FRMD6: variants seen among roughly 807,000 people sequenced by gnomAD.
FRMD6 encodes FERM domain containing 6, also known as FERM domain-containing protein 6.
A neutral mutation model predicts 73.2 loss-of-function variants in FRMD6; 37 were observed. The observed-to-expected ratio is 0.51, with a 90% CI of 0.39 to 0.66. The LOEUF (loss-of-function observed/expected upper bound fraction) is 0.66, where lower values mean the gene tolerates loss of function less well. FRMD6 is among the 30% of genes least tolerant of loss of function. The probability of loss-of-function intolerance (pLI) is 0.00; values close to 1 mark genes in which losing one functional copy is unlikely to be tolerated. For missense variants in FRMD6, 714 were observed against 780.5 expected (o/e 0.91, Z 1.02); for synonymous variants, 273 against 282.2 (o/e 0.97, Z 0.33).
chr14:51,592,992 G>A (rs1346367617), intron 2 of FRMD6, among the ~76,000 whole-genome samples: 1 of 152,196 alleles, frequency 6.6e-6, no homozygotes, highest in Non-Finnish European at 1.5e-5. Flanking sequence ...AGTCTTTGAT[G>A]TGGGAGGAAA....
chr14:51,482,146 T>C, the FRMD6 span, among the ~76,000 whole-genome samples: 1 of 152,216 alleles, frequency 6.6e-6, no homozygotes, highest in Non-Finnish European at 1.5e-5. Flanking sequence ...GTGTTTTCCA[T>C]AACATAAAAG....
At chr14:51,604,566 A>T (rs1411026065) in intron 2 of FRMD6, among the ~76,000 whole-genome samples, 3 of 152,188 alleles carry the variant, frequency 2.0e-5, no homozygotes, top group Non-Finnish European at 4.4e-5. Flanking sequence ...CACTAAAAAA[A>T]CTAATGATAA....
intron 10 of FRMD6, among the ~76,000 whole-genome samples, chr14:51,718,302 C>G (rs1020438804): frequency 6.6e-6 from 1 of 152,152 alleles, no homozygotes; most frequent in African/African-American, 2.4e-5. Context: ...TACTTGTCTT[C>G]TCGTGAGCAT....
chr14:51,481,645 G>C, the FRMD6 span, among the ~76,000 whole-genome samples: 40 of 152,162 alleles, frequency 2.6e-4, no homozygotes, highest in Admixed American at 2.6e-3. Flanking sequence ...GGTTTCCTTC[G>C]ATCACCCAAG....
chr14:51,599,091 T>C (rs1322413564), intron 2 of FRMD6, among the ~76,000 whole-genome samples: 1 of 128,004 alleles, frequency 7.8e-6, no homozygotes, highest in Non-Finnish European at 1.6e-5. Flanking sequence ...TTTTTAGTAA[T>C]AGCCATTCTG....
the FRMD6 span, among the ~76,000 whole-genome samples, chr14:51,433,804 T>A: frequency 6.6e-6 from 1 of 152,212 alleles, no homozygotes; most frequent in African/African-American, 2.4e-5. Context: ...CCCTCTCCCA[T>A]TATAATTAAT....
At position 51,720,036 on chromosome 14, in the gene FRMD6, T is replaced by C; in HGVS notation, c.1025-19T>C. The C allele has an allele frequency of 1.3e-6, 2 of 1,587,754 alleles. No homozygotes were observed. The highest frequency in any genetic ancestry group is 2.2e-5 in the East Asian group (1 of 44,618). On this transcript the variant is annotated intron_variant, in intron 10 of 13. Transcript: ENST00000344768. ...GTTCCTTCTGTCTTGGTTAATGAACTGTGTTCCCCACCACGTAGAGAAGAA... is the reference window on the plus strand; with the variant it reads ...GTTCCTTCTGTCTTGGTTAATGAACCGTGTTCCCCACCACGTAGAGAAGAA...
intron 2 of FRMD6, chr14:51,692,844 A>G (rs1254590229): frequency 6.6e-6 from 1 of 152,186 alleles, no homozygotes; most frequent in East Asian, 1.9e-4. Flanking sequence ...GATGAGAGAA[A>G]TGCCGATGTA....
chr14:51,409,057 A>G, the FRMD6 span, among the ~76,000 whole-genome samples: 14 of 152,244 alleles, frequency 9.2e-5, no homozygotes, highest in South Asian at 4.2e-4. Flanking sequence ...TCACCATCCC[A>G]CAGTTTGAGA....
chr14:51,421,011 A>G, the FRMD6 span, among the ~76,000 whole-genome samples: 2 of 152,128 alleles, frequency 1.3e-5, no homozygotes, highest in South Asian at 2.1e-4. Flanking sequence ...TCCTGAGCTC[A>G]AGTGATCCAC....
the FRMD6 span, among the ~76,000 whole-genome samples, chr14:51,476,509 G>C: frequency 6.6e-6 from 1 of 152,198 alleles, no homozygotes; most frequent in South Asian, 2.1e-4. Flanking sequence ...CTCAAGAGGA[G>C]AGTGAGGGAG....
chr14:51,622,057 T>C (rs528030887), intron 2 of FRMD6, among the ~76,000 whole-genome samples: 2 of 152,348 alleles, frequency 1.3e-5, no homozygotes, highest in Admixed American at 1.3e-4. Context: ...TCATCAGTGA[T>C]ACCACATCTG....
At chr14:51,523,442 C>T (rs577302519) in intron 1 of FRMD6, among the ~76,000 whole-genome samples, 35 of 152,144 alleles carry the variant, frequency 2.3e-4, no homozygotes, top group South Asian at 4.1e-4. Context: ...ACTGGGGCAA[C>T]GCTGAATAGA....
rs138606918 is a variant in FRMD6 at position 51,669,514 on chromosome 14, G to T, written c.-147+17518G>T. On this transcript the variant is annotated intron_variant, in intron 1 of 13. Transcript: ENST00000344768. ...TCTAGTTGCTCCAGATTCTCACTAA[G>T]ATTTGGTATTGTCAGTGTTTTTAAC... Among the ~76,000 whole-genome samples, 315 of 152,292 alleles carry T rather than the reference G, an allele frequency of 2.1e-3. 1 individual carries two copies. The highest frequency in any genetic ancestry group is 7.1e-3 in the African/African-American group (297 of 41,562).
intron 1 of FRMD6, chr14:51,491,398 G>A (rs1188592656): frequency 6.6e-6 from 1 of 152,180 alleles, no homozygotes; most frequent in African/African-American, 2.4e-5. Flanking sequence ...GTTTTTCATT[G>A]ATGGTTCCCC....
At chr14:51,461,359 G>T in the FRMD6 span, among the ~76,000 whole-genome samples, 1 of 152,098 alleles carries the variant, frequency 6.6e-6, no homozygotes, top group Non-Finnish European at 1.5e-5. Flanking sequence ...AGTAATAAAA[G>T]GTGCCAAAAA....
intron 2 of FRMD6, among the ~76,000 whole-genome samples, chr14:51,609,045 A>C (rs943760930): frequency 6.6e-6 from 1 of 152,172 alleles, no homozygotes; most frequent in African/African-American, 2.4e-5. Context: ...GATGTCATCA[A>C]TTACATTTTT....
At chr14:51,520,562 T>C (rs1180639091) in intron 1 of FRMD6, among the ~76,000 whole-genome samples, 4 of 152,180 alleles carry the variant, frequency 2.6e-5, no homozygotes, top group African/African-American at 9.7e-5. Flanking sequence ...GTGATGAATA[T>C]ACGAAGTGTG....
intron 2 of FRMD6, among the ~76,000 whole-genome samples, chr14:51,623,083 C>A (rs929654667): frequency 1.3e-5 from 2 of 151,764 alleles, no homozygotes; most frequent in Non-Finnish European, 2.9e-5. Flanking sequence ...CTTGGATGTA[C>A]AATAAAAACA....
Sources: gnomAD v4.1 joint callset for allele counts (sites outside exome capture counted in the v4.1 genomes callset) on GRCh38, gnomAD v4.1.1 for gene constraint, MANE v1.5 for transcripts, NCBI Gene and HGNC (gene_info 2026-07-23, HGNC 2026-07-21) for gene names.